Variants in SGCZ observed in about 807,000 individuals in gnomAD.
The protein encoded by SGCZ is zeta-sarcoglycan.
In SGCZ, 40 loss-of-function variants were observed where a neutral mutation model predicts 41.3. That is an observed-to-expected ratio of 0.97 (90% confidence interval 0.75 to 1.26). The LOEUF (loss-of-function observed/expected upper bound fraction) is 1.26, where lower values mean the gene tolerates loss of function less well. Ranked by LOEUF, SGCZ falls within the 50% of genes most tolerant of loss-of-function variation. The pLI is 0.00. For missense variants in SGCZ, 552 were observed against 369.8 expected (o/e 1.49, Z -4.04); for synonymous variants, 206 against 137.5 (o/e 1.50, Z -3.49).
At chr8:14,775,865 G>A (rs1035622974) in intron 1 of SGCZ, among the ~76,000 whole-genome samples, 2 of 152,142 alleles carry the variant, frequency 1.3e-5, no homozygotes, top group African/African-American at 2.4e-5. Flanking sequence ...ATGTGACACA[G>A]AAGACAAGAG....
At chr8:14,167,485 A>G (rs979248924) in intron 4 of SGCZ, among the ~76,000 whole-genome samples, 2 of 152,180 alleles carry the variant, frequency 1.3e-5, no homozygotes, top group African/African-American at 4.8e-5. Context: ...CTTGCTAACT[A>G]AAGTACCAAG....
At chr8:14,984,368 T>G (rs779738036) in intron 1 of SGCZ, among the ~76,000 whole-genome samples, 1 of 152,182 alleles carries the variant, frequency 6.6e-6, no homozygotes, top group African/African-American at 2.4e-5. Context: ...AGTATCTACA[T>G]TTCCCTGATT....
At chr8:14,348,761 G>A (rs937311535) in intron 2 of SGCZ, among the ~76,000 whole-genome samples, 2 of 152,082 alleles carry the variant, frequency 1.3e-5, no homozygotes, top group Non-Finnish European at 2.9e-5. Flanking sequence ...GAGACTTTAT[G>A]GCTAAGAATA....
At chr8:14,580,292 T>C (rs1238898698) in intron 1 of SGCZ, among the ~76,000 whole-genome samples, 1 of 152,224 alleles carries the variant, frequency 6.6e-6, no homozygotes, top group African/African-American at 2.4e-5. Context: ...AAATAAATTG[T>C]AGAATTGTGT....
At chr8:14,416,768 T>C (rs185479606) in intron 2 of SGCZ, among the ~76,000 whole-genome samples, 1 of 152,002 alleles carries the variant, frequency 6.6e-6, no homozygotes, top group African/African-American at 2.4e-5. Flanking sequence ...TGATGTCATT[T>C]AGTCTGCCTG....
At chr8:14,383,704 T>C (rs1439988767) in intron 2 of SGCZ, among the ~76,000 whole-genome samples, 2 of 152,108 alleles carry the variant, frequency 1.3e-5, no homozygotes, top group East Asian at 1.9e-4. Context: ...CAAACACTGG[T>C]TGGGAAAGAG....
At position 14,085,103 on chromosome 8, in the gene SGCZ, T is replaced by C. The variant is rs1801487670; in HGVS notation, c.*5340A>G. On this transcript the variant is annotated 3_prime_UTR_variant, in exon 8 of 8. Transcript: ENST00000382080. ...ATAGACTGATTTTTGAATAGATATG[T>C]TATCTACAGTTTATAGGGCAGACAG... Among the ~76,000 whole-genome samples the C allele has an allele frequency of 6.6e-6, 1 of 151,820 alleles. No individual in the cohort carries two copies. The highest frequency in any genetic ancestry group is 6.6e-5 in the Admixed American group (1 of 15,184).
chr8:15,077,276 A>G (rs974182056), intron 1 of SGCZ, among the ~76,000 whole-genome samples: 19 of 152,354 alleles, frequency 1.2e-4, no homozygotes, highest in Admixed American at 9.1e-4. Context: ...CAAGAAATAA[A>G]CCAGGTAAAT....
At chr8:14,442,982 G>T (rs921331038) in intron 2 of SGCZ, among the ~76,000 whole-genome samples, 1 of 151,942 alleles carries the variant, frequency 6.6e-6, no homozygotes, top group South Asian at 2.1e-4. Flanking sequence ...CAAAATCAAT[G>T]TACAAAAATC....
chr8:14,295,615 G>A (rs1215236024), intron 3 of SGCZ, among the ~76,000 whole-genome samples: 1 of 151,994 alleles, frequency 6.6e-6, no homozygotes, highest in Non-Finnish European at 1.5e-5. Context: ...ATAACTGAGG[G>A]TAATATACAT....
At chr8:14,571,414 C>T (rs1804548994) in intron 1 of SGCZ, among the ~76,000 whole-genome samples, 1 of 152,170 alleles carries the variant, frequency 6.6e-6, no homozygotes, top group South Asian at 2.1e-4. Context: ...TTAGCAACAC[C>T]TGTCCACGGA....
chr8:15,120,721 G>C (rs1807447061), intron 1 of SGCZ, among the ~76,000 whole-genome samples: 2 of 152,090 alleles, frequency 1.3e-5, no homozygotes, highest in South Asian at 2.1e-4. Flanking sequence ...ACTTCACAAA[G>C]CTATTATCTC....
At chr8:14,143,114 A>C (rs1455921335) in intron 5 of SGCZ, among the ~76,000 whole-genome samples, 1 of 152,162 alleles carries the variant, frequency 6.6e-6, no homozygotes, top group Non-Finnish European at 1.5e-5. Flanking sequence ...ATATAACGCC[A>C]ATTCAAATAA....
intron 1 of SGCZ, among the ~76,000 whole-genome samples, chr8:14,872,961 G>A (rs575489453): frequency 2.0e-5 from 3 of 152,118 alleles, no homozygotes; most frequent in African/African-American, 7.2e-5. Flanking sequence ...GAAGTCAAAC[G>A]TTTAACTTGA....
At chr8:15,079,046 A>G (rs1037594758) in intron 1 of SGCZ, among the ~76,000 whole-genome samples, 10 of 152,132 alleles carry the variant, frequency 6.6e-5, no homozygotes, top group African/African-American at 2.4e-4. Context: ...CCAAATCCTT[A>G]CAGAGTCTCC....
intron 1 of SGCZ, among the ~76,000 whole-genome samples, chr8:15,001,074 C>A (rs148576737): frequency 2.0e-5 from 3 of 152,298 alleles, no homozygotes; most frequent in East Asian, 1.9e-4. Flanking sequence ...ACTGCTGGGG[C>A]AGCTCAGTGA....
At chr8:14,309,705 A>T in intron 3 of SGCZ, 1 of 1,609,162 alleles carries the variant, frequency 6.2e-7, no homozygotes, top group Non-Finnish European at 8.5e-7. Flanking sequence ...CTCACAGGAG[A>T]CTGAGTTAAG....
intron 1 of SGCZ, among the ~76,000 whole-genome samples, chr8:14,768,372 A>G (rs1411473675): frequency 6.6e-6 from 1 of 152,182 alleles, no homozygotes; most frequent in African/African-American, 2.4e-5. Flanking sequence ...TGCGTCCTAT[A>G]GTGATAATGA....
At chr8:14,359,248 A>G (rs1428659970) in intron 2 of SGCZ, among the ~76,000 whole-genome samples, 1 of 152,174 alleles carries the variant, frequency 6.6e-6, no homozygotes, top group Non-Finnish European at 1.5e-5. Flanking sequence ...AAAAGAAACA[A>G]GCAACATACA....
Sources: gnomAD v4.1 joint callset for allele counts (sites outside exome capture counted in the v4.1 genomes callset) on GRCh38, gnomAD v4.1.1 for gene constraint, MANE v1.5 for transcripts, NCBI Gene and HGNC (gene_info 2026-07-23, HGNC 2026-07-21) for gene names.